The following PACS1 variants were observed in gnomAD, a reference collection of about 807,000 sequenced individuals.
PACS1 encodes phosphofurin acidic cluster sorting protein 1.
In PACS1, 24 loss-of-function variants were observed where a neutral mutation model predicts 115.0. That is an observed-to-expected ratio of 0.21 (90% confidence interval 0.15 to 0.29). The LOEUF (loss-of-function observed/expected upper bound fraction) is 0.29. PACS1 is among the 10% of genes least tolerant of loss of function. PACS1 has a pLI of 1.00. For synonymous variants in PACS1, 453 were observed against 504.5 expected (o/e 0.90, Z 1.37); for missense variants, 838 against 1,251.2 (o/e 0.67, Z 4.98).
At chr11:66,106,248 A>T (rs1185397659) in intron 1 of PACS1, among the ~76,000 whole-genome samples, 1 of 152,028 alleles carries the variant, frequency 6.6e-6, no homozygotes, top group Non-Finnish European at 1.5e-5. Context: ...TGGGCGACAG[A>T]GGGAGAACCT....
chr11:66,123,499 C>G (rs945545462), intron 1 of PACS1, among the ~76,000 whole-genome samples: 13 of 148,788 alleles, frequency 8.7e-5, no homozygotes, highest in Admixed American at 4.0e-4. Context: ...GCTCAATAAG[C>G]CATTTTTATT....
At chr11:66,155,198 C>T (rs1017153326) in intron 1 of PACS1, among the ~76,000 whole-genome samples, 3 of 152,128 alleles carry the variant, frequency 2.0e-5, no homozygotes, top group Admixed American at 1.3e-4. Context: ...TAGGGGAAAA[C>T]GTTCATGTGA....
intron 1 of PACS1, among the ~76,000 whole-genome samples, chr11:66,080,539 C>T (rs962439412): frequency 6.6e-6 from 1 of 152,120 alleles, no homozygotes; most frequent in African/African-American, 2.4e-5. Context: ...ACTGCCAGAG[C>T]CAGGTGCTAC....
Position 66,241,638 on chromosome 11 carries a change from G to A in PACS1, c.2641G>A (p.Glu881Lys), listed in dbSNP as rs1855817349. 6.2e-7 allele frequency: 1 copy of A among 1,613,636 alleles called. No individual in the cohort carries two copies. The highest frequency in any genetic ancestry group is 8.5e-7 in the Non-Finnish European group (1 of 1,179,692). The change falls in exon 22 of 24, where the codon GAA becomes AAA. Residue 881 changes from glutamate (E) to lysine (K), a missense_variant. Glu to Lys is a moderately conservative substitution (Grantham distance 56). Coordinates refer to ENST00000320580, the MANE Select transcript of PACS1 (RefSeq NM_018026.4). Reference sequence around the variant, plus strand: ...CATGGCCATGACTGTGGTCACCAAAGAAAAGAACAAGAAAGGTAAGTACCC... The same window carrying A: ...CATGGCCATGACTGTGGTCACCAAAAAAAAGAACAAGAAAGGTAAGTACCC... ...GTMAMTVVTK[E>K]KNKKVPTIFL...
chr11:66,099,798 G>C (rs1857872132), intron 1 of PACS1, among the ~76,000 whole-genome samples: 1 of 152,090 alleles, frequency 6.6e-6, no homozygotes, highest in Non-Finnish European at 1.5e-5. Flanking sequence ...TACCCACCTT[G>C]GCCTCCCAAA....
intron 1 of PACS1, among the ~76,000 whole-genome samples, chr11:66,181,348 G>A (rs1012385437): frequency 2.0e-5 from 3 of 151,790 alleles, no homozygotes; most frequent in South Asian, 4.2e-4. Flanking sequence ...GAGTAGCTGG[G>A]ATTACAGGTG....
chr11:66,144,080 T>A (rs1439448401), intron 1 of PACS1, among the ~76,000 whole-genome samples: 1 of 152,248 alleles, frequency 6.6e-6, no homozygotes, highest in Non-Finnish European at 1.5e-5. Context: ...TGAAAAATGC[T>A]TTTAATTTTG....
chr11:66,193,691 A>G (rs1451051659), intron 2 of PACS1, 118 bp downstream of exon 2: 3 of 662,126 alleles, frequency 4.5e-6, no homozygotes, highest in Non-Finnish European at 8.1e-6. Flanking sequence ...TCAGCACAGC[A>G]AGGTGCACAG....
chr11:66,172,450 T>G (rs3862387), intron 1 of PACS1, among the ~76,000 whole-genome samples: 19,556 of 152,174 alleles, frequency 0.13, 1,665 homozygotes, highest in Admixed American at 0.26. Flanking sequence ...TGCCATGTCA[T>G]GAGGTTATCA....
rs1427840187 is a variant in PACS1 at position 66,221,144 on chromosome 11, T to G, written c.1200-10T>G. 3 of 1,612,908 alleles carry G rather than the reference T, an allele frequency of 1.9e-6. No homozygotes were observed. Among genetic ancestry groups the G allele is most frequent in the Non-Finnish European group, 2.5e-6 (3 of 1,178,914 alleles). ...GGCAGCACTGACCCTGGCTGTGCTC[T>G]TCACCACAGGCCTTTCTTTGAGGGG... On this transcript the variant is annotated splice_polypyrimidine_tract_variant and intron_variant, in intron 9 of 23. Coordinates refer to ENST00000320580, the MANE Select transcript of PACS1 (RefSeq NM_018026.4).
At position 66,070,684 on chromosome 11, in the gene PACS1, C is replaced by T. The variant is rs774775464; in HGVS notation, c.198C>T (p.Ser66=). 11 of 1,578,264 alleles carry T rather than the reference C, an allele frequency of 7.0e-6. No individual in the cohort carries two copies. In the South Asian group the frequency reaches 1.1e-4, roughly 16 times the overall value. ...CGTCCACCTCGGCGGCGGCTGCCTCCTCCTCGTCCTCGTCTACCTCCACCT... is the reference window on the plus strand; with the variant it reads ...CGTCCACCTCGGCGGCGGCTGCCTCTTCCTCGTCCTCGTCTACCTCCACCT... ...SSSSTSAAAA[S]SSSSSTSTSM... Residue 66 remains serine (S), a synonymous_variant, in exon 1 of 24, where the codon TCC becomes TCT. Coordinates refer to ENST00000320580, the MANE Select transcript of PACS1 (RefSeq NM_018026.4). The surrounding 1 kb of genome is among the most constrained non-coding windows in gnomAD (Gnocchi z 5.9).
chr11:66,221,488 A>G lies in PACS1; in HGVS notation c.1293+241A>G. On this transcript the variant is annotated intron_variant, in intron 10 of 23. Coordinates refer to ENST00000320580, the MANE Select transcript of PACS1 (RefSeq NM_018026.4). ...TGGTGACACCCCATCTCTACTAAAA[A>G]TACAAAAATTACCTGGGCGTGATGG... The G allele has an allele frequency of 7.9e-6, 4 of 503,278 alleles. No homozygotes were observed. In the South Asian group the frequency reaches 9.5e-5, roughly 12 times the overall value. The allele number at this position is 503,278 out of a possible 1,614,324, so 31.2% of individuals were successfully genotyped here.
At chr11:66,237,715 G>A (rs951597835) in intron 19 of PACS1, among the ~76,000 whole-genome samples, 9 of 152,224 alleles carry the variant, frequency 5.9e-5, no homozygotes, top group Non-Finnish European at 1.3e-4. Context: ...AACCGAGAGA[G>A]ACAGAGAGAT....
intron 3 of PACS1, among the ~76,000 whole-genome samples, chr11:66,210,907 A>G (rs1855055718): frequency 6.6e-6 from 1 of 152,208 alleles, no homozygotes; most frequent in South Asian, 2.1e-4. Flanking sequence ...TGGCAAGGGA[A>G]GAGACAGTTC....
At chr11:66,204,599 A>G (rs947956545) in intron 2 of PACS1, among the ~76,000 whole-genome samples, 5 of 152,254 alleles carry the variant, frequency 3.3e-5, no homozygotes, top group Admixed American at 6.5e-5. Context: ...GTACATATAC[A>G]CAATGGAGTA....
At chr11:66,112,744 G>T (rs902412993) in intron 1 of PACS1, among the ~76,000 whole-genome samples, 2 of 152,164 alleles carry the variant, frequency 1.3e-5, no homozygotes, top group African/African-American at 4.8e-5. Flanking sequence ...AGTGCTGAAT[G>T]GGGAAATGAA....
intron 7 of PACS1, chr11:66,217,250 G>A (rs1590826608): frequency 6.8e-6 from 2 of 292,212 alleles, no homozygotes; most frequent in South Asian, 3.1e-5. Context: ...ATCAGATATC[G>A]TTCCTGCCTT....
At chr11:66,158,067 A>C (rs1177456301) in intron 1 of PACS1, among the ~76,000 whole-genome samples, 2 of 152,174 alleles carry the variant, frequency 1.3e-5, no homozygotes, top group African/African-American at 4.8e-5. Context: ...CCTGGACTCA[A>C]GTGATCTTCT....
At chr11:66,106,525 C>T (rs751863835) in intron 1 of PACS1, among the ~76,000 whole-genome samples, 6 of 151,998 alleles carry the variant, frequency 3.9e-5, no homozygotes, top group Admixed American at 6.6e-5. Flanking sequence ...TGAGATCGTG[C>T]CACTGCACTC....
Sources: allele counts gnomAD v4.1 joint callset (sites outside exome capture counted in the v4.1 genomes callset), GRCh38; gene constraint gnomAD v4.1.1; non-coding constraint Gnocchi (gnomAD v3.1); transcripts MANE v1.5; gene names NCBI Gene and HGNC (gene_info 2026-07-23, HGNC 2026-07-21).